The following DPM2 variants were observed in gnomAD, a reference collection of about 807,000 sequenced individuals.
The protein encoded by DPM2 is dolichol phosphate-mannose biosynthesis regulatory protein.
In DPM2, 8 loss-of-function variants were observed where a neutral mutation model predicts 12.1. That is an observed-to-expected ratio of 0.66 (90% CI 0.39 to 1.19). The LOEUF (loss-of-function observed/expected upper bound fraction) is 1.19. DPM2 is among the 50% of genes most tolerant of loss of function. The pLI is 0.01. For synonymous variants in DPM2, 38 were observed against 44.7 expected, an observed-to-expected ratio of 0.85 and a Z score of 0.60; for missense variants, 93 against 102.5, an observed-to-expected ratio of 0.91 and a Z score of 0.40.
At position 127,935,495 on chromosome 9, in the gene DPM2, GAGGTGACCGGAGTCTTCC is replaced by G. The variant is rs1381290207; in HGVS notation, c.*209_*226del. ...CATCTTTTAGGCCCTGAGCAAGAAG[GAGGTGACCGGAGTCTTCC>G]AGGTATCCCTCCCTCCTAGCTTCTG... On this transcript the variant is annotated 3_prime_UTR_variant, in exon 4 of 4. Coordinates refer to ENST00000314392, the MANE Select transcript of DPM2 (RefSeq NM_003863.4). 3.4e-6 allele frequency: 2 copies of G among 590,792 alleles called. No individual in the cohort carries two copies. Among genetic ancestry groups the G allele is most frequent in the African/African-American group, 3.7e-5 (2 of 53,578 alleles). The allele number at this position is 590,792 out of a possible 1,614,324, so 36.6% of individuals were successfully genotyped here.
chr9:127,935,995 G>A (rs1831498582), intron 3 of DPM2: 1 of 603,374 alleles, frequency 1.7e-6, no homozygotes, highest in Non-Finnish European at 2.9e-6. Flanking sequence ...CAAGCAAGAT[G>A]CTGCATTTAG....
At chr9:127,937,006 C>A in intron 2 of DPM2, 1 of 298,442 alleles carries the variant, frequency 3.4e-6, no homozygotes, top group Non-Finnish European at 6.1e-6. Flanking sequence ...AATATTTTTT[C>A]TCTAAAGGAT....
Position 127,936,540 on chromosome 9 carries a change from G to A in DPM2, c.196+13C>T. 2.5e-6 allele frequency: 4 copies of A among 1,598,260 alleles called. No homozygotes were observed. The highest frequency in any genetic ancestry group is 2.3e-5 in the East Asian group (1 of 44,046). ...ACCCTGCCCAGGGTCAAGGGGAGGAGGTGATGACTTACCCACAAACAGGAG... is the reference window on the plus strand; with the variant it reads ...ACCCTGCCCAGGGTCAAGGGGAGGAAGTGATGACTTACCCACAAACAGGAG... On this transcript the variant is annotated intron_variant, in intron 3 of 3. Transcript: ENST00000314392.
intron 1 of DPM2, 130 bp downstream of exon 1, chr9:127,937,688 C>T: frequency 7.6e-7 from 1 of 1,315,288 alleles, no homozygotes. Context: ...TAGGCCTCCG[C>T]GTTGTCGTCC....
Position 127,935,504 on chromosome 9 carries a change from G to C in DPM2, c.*218C>G, listed in dbSNP as rs564981501. 2 of 598,748 alleles carry C rather than the reference G, an allele frequency of 3.3e-6. No individual in the cohort carries two copies. Among genetic ancestry groups the C allele is most frequent in the Non-Finnish European group, 5.9e-6 (2 of 337,094 alleles). The allele number at this position is 598,748 out of a possible 1,614,324, so 37.1% of individuals were successfully genotyped here. A position where few individuals can be genotyped will look rare whatever the true frequency, so the allele number is the denominator to read the frequency against. On this transcript the variant is annotated 3_prime_UTR_variant, in exon 4 of 4. Transcript: ENST00000314392. The stretch of plus-strand genomic sequence containing the variant: ...GGCCCTGAGCAAGAAGGAGGTGACC[G>C]GAGTCTTCCAGGTATCCCTCCCTCC...
rs1831490646 is a variant in DPM2, at chr9:127,935,573, A to C, written c.*149T>G. On this transcript the variant is annotated 3_prime_UTR_variant, in exon 4 of 4. Transcript: ENST00000314392. ...GTCGGGGAGGGGGCTCCAGTCAGTC[A>C]GGTGTAAGCTCCATGCCATGGGGAC... 4 of 761,146 alleles carry C rather than the reference A, an allele frequency of 5.3e-6. No homozygotes were observed. The South Asian group carries it at 6.2e-5, about 12-fold the overall frequency. 47.1% of individuals were successfully genotyped at this position (761,146 alleles called of 1,614,324 possible).
chr9:127,935,727 G>A lies in DPM2; in HGVS notation c.250C>T (p.Gln84Ter). Reference sequence around the variant, plus strand: ...GCCTCATCCCTGCGGGACCTTCACTGAGCCTTCTTGGTCACTCTCTTGGTC... The same window carrying A: ...GCCTCATCCCTGCGGGACCTTCACTAAGCCTTCTTGGTCACTCTCTTGGTC... The part of the protein sequence containing the change: ...LKTKRVTKKA[Q>*] The change falls in exon 4 of 4, where the codon CAG (glutamine) becomes TAG (stop). Residue 84 changes from glutamine (Q) to a stop codon, truncating the protein, a stop_gained. Transcript: ENST00000314392. LOFTEE classifies it high-confidence loss of function. 1.9e-6 allele frequency: 3 copies of A among 1,613,254 alleles called. No individual in the cohort carries two copies. The highest frequency in any genetic ancestry group is 2.5e-6 in the Non-Finnish European group (3 of 1,179,252).
rs746175562 is a variant in DPM2, at chr9:127,937,497, T to C, written c.30A>G (p.Gly10=). MATGTDQVV[G]LGLVAVSLII... ...TCAGGCTAACGGCGACGAGGCCGAG[T>C]CCCACCACCTGGTCTGTCCCCGTGG... Residue 10 remains glycine, a synonymous_variant, in exon 2 of 4, where the codon GGA becomes GGG. Coordinates refer to ENST00000314392, the MANE Select transcript of DPM2 (RefSeq NM_003863.4). 6.2e-7 allele frequency: 1 copy of C among 1,613,758 alleles called. No individual in the cohort carries two copies. The highest frequency in any genetic ancestry group is 2.2e-5 in the East Asian group (1 of 44,868).
At chr9:127,937,769 G>T (rs1831533570) in intron 1 of DPM2, 49 bp downstream of exon 1, 4 of 1,610,312 alleles carry the variant, frequency 2.5e-6, no homozygotes, top group Non-Finnish European at 2.5e-6. Flanking sequence ...GCAGACCCGG[G>T]ACCCCACCCC....
Position 127,935,808 on chromosome 9 carries a change from A to G in DPM2, c.197-28T>C, listed in dbSNP as rs2131647252. 5 of 1,611,120 alleles carry G rather than the reference A, an allele frequency of 3.1e-6. No individual in the cohort carries two copies. In the South Asian group the frequency reaches 3.3e-5, roughly 11 times the overall value. On this transcript the variant is annotated intron_variant, in intron 3 of 3. Coordinates refer to ENST00000314392, the MANE Select transcript of DPM2 (RefSeq NM_003863.4). The stretch of plus-strand genomic sequence containing the variant: ...GGGATACACAGACCAGAAAGGCCAC[A>G]TAAGATCTAAGCTCAGGGCTGCTGG...
intron 2 of DPM2, 118 bp downstream of exon 2, chr9:127,937,316 G>A (rs1343768210): frequency 2.7e-6 from 2 of 732,854 alleles, no homozygotes; most frequent in Admixed American, 5.0e-5. Context: ...TTGTTCTGGA[G>A]AGTTCAAGAG....
At position 127,935,587 on chromosome 9, in the gene DPM2, T is replaced by C. The variant is rs534573021; in HGVS notation, c.*135A>G. On this transcript the variant is annotated 3_prime_UTR_variant, in exon 4 of 4. Transcript: ENST00000314392. ...TCCAGTCAGTCAGGTGTAAGCTCCATGCCATGGGGACTCTGCAGGACAGGC... is the reference window on the plus strand; with the variant it reads ...TCCAGTCAGTCAGGTGTAAGCTCCACGCCATGGGGACTCTGCAGGACAGGC... 2.0e-5 allele frequency: 17 copies of C among 869,492 alleles called. No individual in the cohort carries two copies. The Admixed American group carries it at 2.4e-4, about 12-fold the overall frequency. The allele number at this position is 869,492 out of a possible 1,614,324, so 53.9% of individuals were successfully genotyped here. A position where few individuals can be genotyped will look rare whatever the true frequency, so the allele number is the denominator to read the frequency against.
chr9:127,936,165 C>T (rs1290522689), intron 3 of DPM2: 2 of 1,008,086 alleles, frequency 2.0e-6, no homozygotes, highest in African/African-American at 3.3e-5. Context: ...CTGACTCATC[C>T]AAATGACTTT....
rs1364069426 is a variant in DPM2, at chr9:127,937,526, G to A, written c.4-3C>T. On this transcript the variant is annotated splice_polypyrimidine_tract_variant and splice_region_variant and intron_variant, in intron 1 of 3. Transcript: ENST00000314392. ...ACCACCTGGTCTGTCCCCGTGGCCT[G>A]GAGAAAAGGGAGGTCTCAGCTGACG... 1.2e-6 allele frequency: 2 copies of A among 1,609,386 alleles called. No individual in the cohort carries two copies. Among genetic ancestry groups the A allele is most frequent in the Admixed American group, 1.7e-5 (1 of 59,052 alleles).
intron 2 of DPM2, chr9:127,937,157 G>A (rs1027061200): frequency 2.8e-6 from 1 of 359,116 alleles, no homozygotes; most frequent in Non-Finnish European, 5.0e-6. Context: ...TAACCCAGAA[G>A]GAACAGAACT....
At chr9:127,935,922 G>T in intron 3 of DPM2, 142 bp from the exon 4 acceptor site, 1 of 736,274 alleles carries the variant, frequency 1.4e-6, no homozygotes, top group Non-Finnish European at 2.3e-6. Context: ...TATCTCCCTA[G>T]TCATTCGTCA....
At position 127,935,437 on chromosome 9, in the gene DPM2, C is replaced by T. The variant is rs1831488757; in HGVS notation, c.*285G>A. The T allele has an allele frequency of 7.8e-6, 4 of 514,306 alleles. No individual in the cohort carries two copies. The highest frequency in any genetic ancestry group is 1.4e-5 in the Non-Finnish European group (4 of 284,488). The allele number at this position is 514,306 out of a possible 1,614,324, so 31.9% of individuals were successfully genotyped here. ...CGGCAGAACCCAGGGGAAAAGGTGGCAGGGAGTCTGAGAGTGAGGTTGGGA... is the reference window on the plus strand; with the variant it reads ...CGGCAGAACCCAGGGGAAAAGGTGGTAGGGAGTCTGAGAGTGAGGTTGGGA... On this transcript the variant is annotated 3_prime_UTR_variant, in exon 4 of 4. Transcript: ENST00000314392.
intron 2 of DPM2, chr9:127,937,178 T>G (rs1831520455): frequency 5.2e-6 from 2 of 382,296 alleles, no homozygotes; most frequent in African/African-American, 4.2e-5. Context: ...CCCCCAAAAG[T>G]CAAAGCAAGC....
chr9:127,935,712 T>C lies in DPM2; in HGVS notation c.*10A>G, dbSNP rs1831492798. 6.2e-7 allele frequency: 1 copy of C among 1,613,076 alleles called. No homozygotes were observed. The highest frequency in any genetic ancestry group is 8.5e-7 in the Non-Finnish European group (1 of 1,179,288). On this transcript the variant is annotated 3_prime_UTR_variant, in exon 4 of 4. Transcript: ENST00000314392. ...GAGAAGGGGCTGGCAGCCTCATCCC[T>C]GCGGGACCTTCACTGAGCCTTCTTG...
Sources: allele counts gnomAD v4.1 joint callset, GRCh38; gene constraint gnomAD v4.1.1; transcripts MANE v1.5; gene names NCBI Gene and HGNC (gene_info 2026-07-23, HGNC 2026-07-21).